Variants in SORCS2 observed in about 807,000 individuals in gnomAD.
SORCS2 encodes VPS10 domain-containing receptor SorCS2.
In SORCS2, 100 loss-of-function variants were observed where a neutral mutation model predicts 141.6. The observed-to-expected ratio is 0.71, with a 90% CI of 0.60 to 0.83. The LOEUF (loss-of-function observed/expected upper bound fraction) is 0.83. Among genes scored for constraint, SORCS2 ranks in the 40% least tolerant of loss-of-function variants. SORCS2 has a pLI of 0.00. For synonymous variants in SORCS2, 789 were observed against 676.9 expected, an observed-to-expected ratio of 1.17 and a Z score of -2.57; for missense variants, 1,646 against 1,560.2, an observed-to-expected ratio of 1.05 and a Z score of -0.93.
intron 2 of SORCS2, among the ~76,000 whole-genome samples, chr4:7,490,192 G>A (rs1022253711): frequency 6.6e-6 from 1 of 152,168 alleles, no homozygotes; most frequent in Non-Finnish European, 1.5e-5. Context: ...GATGCTCTAA[G>A]CATCGCCTGC....
intron 2 of SORCS2, among the ~76,000 whole-genome samples, chr4:7,523,105 T>TCCTCCCTCTGCCC (rs1733445446): frequency 7.1e-6 from 1 of 141,188 alleles, no homozygotes; most frequent in Admixed American, 7.1e-5. Flanking sequence ...TCCCTCTGCC[T>TCCTCCCTCTGCCC]CCTCCCTCTG....
chr4:7,579,502 G>C (rs538758391), intron 3 of SORCS2, among the ~76,000 whole-genome samples: 1 of 152,304 alleles, frequency 6.6e-6, no homozygotes, highest in South Asian at 2.1e-4. Context: ...ATCAAGTGGA[G>C]GAGCCAGGAC....
At chr4:7,527,484 G>A (rs920813168) in intron 2 of SORCS2, among the ~76,000 whole-genome samples, 2 of 152,146 alleles carry the variant, frequency 1.3e-5, no homozygotes, top group African/African-American at 4.8e-5. Flanking sequence ...GCCTCGGGGC[G>A]AGGACTGCAG....
intron 1 of SORCS2, among the ~76,000 whole-genome samples, chr4:7,195,744 A>G (rs1211178994): frequency 6.6e-6 from 1 of 152,238 alleles, no homozygotes; most frequent in Non-Finnish European, 1.5e-5. Context: ...TTGCAACCAC[A>G]GGACTAAAGA....
chr4:7,403,997 A>ATATATATATATATATATATTT (rs1265288820), intron 2 of SORCS2, among the ~76,000 whole-genome samples: 4 of 19,002 alleles, frequency 2.1e-4, no homozygotes, highest in Non-Finnish European at 5.0e-4. Flanking sequence ...ATATATATAT[A>ATATATATATATATATATATTT]TTTTTTTTTT....
At chr4:7,723,455 C>T (rs1478995664) in intron 18 of SORCS2, among the ~76,000 whole-genome samples, 1 of 152,168 alleles carries the variant, frequency 6.6e-6, no homozygotes, top group Non-Finnish European at 1.5e-5. Context: ...GGTGATTGTT[C>T]TGAAATATCC....
At chr4:7,500,139 G>A (rs569623479) in intron 2 of SORCS2, among the ~76,000 whole-genome samples, 2 of 152,164 alleles carry the variant, frequency 1.3e-5, no homozygotes, top group Non-Finnish European at 2.9e-5. Context: ...CCATCACCCG[G>A]AGCACACCCC....
At chr4:7,722,054 C>T (rs1049548952) in intron 18 of SORCS2, among the ~76,000 whole-genome samples, 9 of 152,232 alleles carry the variant, frequency 5.9e-5, no homozygotes, top group African/African-American at 2.2e-4. Flanking sequence ...CTTTTGTGGT[C>T]AGGAGAAAAA....
chr4:7,678,130 G>T (rs551131355), intron 9 of SORCS2, among the ~76,000 whole-genome samples: 4 of 152,358 alleles, frequency 2.6e-5, no homozygotes, highest in East Asian at 1.9e-4. Flanking sequence ...GCTCCCAGCT[G>T]TGGCTCTGAG....
At chr4:7,299,335 A>G (rs1717283203) in intron 1 of SORCS2, among the ~76,000 whole-genome samples, 1 of 152,210 alleles carries the variant, frequency 6.6e-6, no homozygotes, top group Non-Finnish European at 1.5e-5. Flanking sequence ...GCAGCAGTCC[A>G]GGGCCCTGGA....
intron 1 of SORCS2, among the ~76,000 whole-genome samples, chr4:7,309,553 C>T (rs1317446764): frequency 1.3e-5 from 2 of 152,164 alleles, no homozygotes; most frequent in African/African-American, 4.8e-5. Flanking sequence ...GGAGTGAGAA[C>T]CTGCCCTCCA....
At chr4:7,566,291 TTAATGGTGATGGTGATGATGGTGA>T (rs972699794) in intron 3 of SORCS2, among the ~76,000 whole-genome samples, 71 of 147,332 alleles carry the variant, frequency 4.8e-4, no homozygotes, top group Non-Finnish European at 9.6e-4. Context: ...TGATAATGTG[TTAATGGTGATGGTGATGATGGTGA>T]TAATGGTGAT....
intron 1 of SORCS2, among the ~76,000 whole-genome samples, chr4:7,380,225 C>G (rs1722901747): frequency 2.0e-5 from 3 of 152,202 alleles, no homozygotes; most frequent in Admixed American, 1.3e-4. Flanking sequence ...GTTCTGAGAT[C>G]TCTGCTGTCT....
At chr4:7,646,214 G>A (rs1031868966) in intron 4 of SORCS2, among the ~76,000 whole-genome samples, 4 of 152,220 alleles carry the variant, frequency 2.6e-5, no homozygotes, top group Non-Finnish European at 2.9e-5. Context: ...CGTGAGCTCC[G>A]CACAGCGCAC....
At chr4:7,500,885 T>C (rs1731929355) in intron 2 of SORCS2, among the ~76,000 whole-genome samples, 8 of 152,182 alleles carry the variant, frequency 5.3e-5, no homozygotes, top group Admixed American at 3.9e-4. Context: ...CCCCGCAGAA[T>C]GAAACCCAGG....
intron 3 of SORCS2, among the ~76,000 whole-genome samples, chr4:7,637,627 G>A (rs1720349947): frequency 1.3e-5 from 2 of 152,236 alleles, no homozygotes; most frequent in African/African-American, 4.8e-5. Context: ...AGCCAGCTGG[G>A]TTTGGGAGGA....
At chr4:7,425,599 T>G (rs1176316754) in intron 2 of SORCS2, among the ~76,000 whole-genome samples, 1 of 152,236 alleles carries the variant, frequency 6.6e-6, no homozygotes, top group Non-Finnish European at 1.5e-5. Flanking sequence ...CAGAGGCTTC[T>G]GAGCCGTCAA....
At chr4:7,362,777 C>T (rs112389065) in intron 1 of SORCS2, among the ~76,000 whole-genome samples, 5,461 of 151,862 alleles carry the variant, frequency 0.036, 104 homozygotes, top group Middle Eastern at 0.088. Context: ...TCATTACTAC[C>T]AGGACTATTA....
At chr4:7,285,077 G>T (rs1475309554) in intron 1 of SORCS2, among the ~76,000 whole-genome samples, 1 of 149,676 alleles carries the variant, frequency 6.7e-6, no homozygotes, top group Non-Finnish European at 1.5e-5. Flanking sequence ...TTGTTGCCCA[G>T]ACTCGAGTGC....
Sources: gnomAD v4.1 joint callset for allele counts (sites outside exome capture counted in the v4.1 genomes callset) on GRCh38, gnomAD v4.1.1 for gene constraint, MANE v1.5 for transcripts, NCBI Gene and HGNC (gene_info 2026-07-23, HGNC 2026-07-21) for gene names.